Variants in FRMD3 observed in about 807,000 individuals in gnomAD.
FRMD3 encodes the protein FERM domain-containing protein 3.
A neutral mutation model predicts 70.2 loss-of-function variants in FRMD3; 33 were observed. That is an observed-to-expected ratio of 0.47 (90% CI 0.36 to 0.63). The LOEUF is 0.63. Among genes scored for constraint, FRMD3 ranks in the 20% least tolerant of loss-of-function variants. FRMD3 has a pLI of 0.00. For synonymous variants in FRMD3, 279 were observed against 255.9 expected (o/e 1.09, Z -0.86); for missense variants, 632 against 711.4 (o/e 0.89, Z 1.27).
intron 6 of FRMD3, among the ~76,000 whole-genome samples, chr9:83,324,714 T>A (rs973829638): frequency 6.6e-6 from 1 of 152,238 alleles, no homozygotes; most frequent in African/African-American, 2.4e-5. Flanking sequence ...ATATACATAT[T>A]TTTTCCCTTA....
chr9:83,489,554 G>A (rs1207168636), intron 1 of FRMD3, among the ~76,000 whole-genome samples: 1 of 152,070 alleles, frequency 6.6e-6, no homozygotes, highest in Non-Finnish European at 1.5e-5. Flanking sequence ...AAACCACAAT[G>A]AGGATACCAT....
chr9:83,266,809 C>T (rs968329635), intron 13 of FRMD3, among the ~76,000 whole-genome samples: 1 of 152,162 alleles, frequency 6.6e-6, no homozygotes, highest in African/African-American at 2.4e-5. Flanking sequence ...TTGGAACACA[C>T]CCTCCTGTTT....
rs34251863 is a variant in FRMD3 at position 83,507,691 on chromosome 9, C to CATATATAT, written c.147+30386_147+30393dup. Among the ~76,000 whole-genome samples, 246 of 49,108 alleles carry CATATATAT rather than the reference C, an allele frequency of 5.0e-3. 6 individuals carry two copies. The highest frequency in any genetic ancestry group is 6.5e-3 in the Non-Finnish European group (187 of 28,662). The allele number at this position is 49,108 out of a possible 152,430, so 32.2% of individuals were successfully genotyped here. A position where few individuals can be genotyped will look rare whatever the true frequency, so the allele number is the denominator to read the frequency against. On this transcript the variant is annotated intron_variant, in intron 1 of 13. Coordinates refer to ENST00000304195, the MANE Select transcript of FRMD3 (RefSeq NM_174938.6). Reference sequence around the variant, plus strand: ...TCTCAAACAAAAAAAAATATACATACATATATATATATATATATATATATA... The same window carrying CATATATAT: ...TCTCAAACAAAAAAAAATATACATACATATATATATATATATATATATATATATATATA...
At chr9:83,533,322 T>C (rs1317097974) in intron 1 of FRMD3, among the ~76,000 whole-genome samples, 1 of 152,204 alleles carries the variant, frequency 6.6e-6, no homozygotes, top group Non-Finnish European at 1.5e-5. Flanking sequence ...TAATGGATAG[T>C]TATAAAATTC....
the FRMD3 span, among the ~76,000 whole-genome samples, chr9:83,551,665 C>T: frequency 6.7e-6 from 1 of 149,642 alleles, no homozygotes; most frequent in Non-Finnish European, 1.5e-5. Flanking sequence ...TGTTATTGGT[C>T]TATTCAGGGA....
chr9:83,311,238 CT>C (rs1835339613), intron 8 of FRMD3, among the ~76,000 whole-genome samples: 1 of 150,576 alleles, frequency 6.6e-6, no homozygotes. Flanking sequence ...ACATGCCCAT[CT>C]CAGGAGCAGG....
At chr9:83,511,555 G>A (rs1443152362) in intron 1 of FRMD3, among the ~76,000 whole-genome samples, 1 of 152,190 alleles carries the variant, frequency 6.6e-6, no homozygotes, top group Non-Finnish European at 1.5e-5. Flanking sequence ...GTGCCATTTG[G>A]AGAGCCAGGA....
At chr9:83,569,836 G>A in the FRMD3 span, among the ~76,000 whole-genome samples, 1 of 152,166 alleles carries the variant, frequency 6.6e-6, no homozygotes, top group African/African-American at 2.4e-5. Context: ...GTTTGGCTGT[G>A]TCCCCACCCA....
chr9:83,333,256 C>T (rs955912221), intron 6 of FRMD3, among the ~76,000 whole-genome samples: 1 of 152,224 alleles, frequency 6.6e-6, no homozygotes, highest in Non-Finnish European at 1.5e-5. Flanking sequence ...CTGACAGGTT[C>T]ATCCTTCAGG....
At chr9:83,289,877 T>C (rs1371213127) in intron 13 of FRMD3, among the ~76,000 whole-genome samples, 1 of 152,210 alleles carries the variant, frequency 6.6e-6, no homozygotes, top group Non-Finnish European at 1.5e-5. Flanking sequence ...AGCATTGTGG[T>C]GAGATTCTTC....
intron 6 of FRMD3, among the ~76,000 whole-genome samples, chr9:83,323,967 A>G (rs1201728347): frequency 1.3e-5 from 2 of 152,338 alleles, no homozygotes; most frequent in Admixed American, 6.5e-5. Flanking sequence ...AGTCCTGTAC[A>G]TGTACCTTAG....
intron 1 of FRMD3, among the ~76,000 whole-genome samples, chr9:83,397,886 C>A (rs1379355651): frequency 6.6e-6 from 1 of 152,166 alleles, no homozygotes; most frequent in East Asian, 1.9e-4. Context: ...TTAACAGCAA[C>A]TAAATGCTCA....
intron 3 of FRMD3, among the ~76,000 whole-genome samples, chr9:83,368,562 A>G (rs1166666417): frequency 6.6e-6 from 1 of 152,220 alleles, no homozygotes; most frequent in African/African-American, 2.4e-5. Context: ...ATCTTAATGT[A>G]AAAATGTATA....
At chr9:83,539,464 A>G (rs577089893), upstream of FRMD3, among the ~76,000 whole-genome samples, 4 of 152,332 alleles carry the variant, frequency 2.6e-5, no homozygotes, top group African/African-American at 9.6e-5. Flanking sequence ...CCGGAGCAGA[A>G]CAGGTCATTA....
At chr9:83,284,061 A>ATTTTTTTTTTTTTTTTTTTTT (rs71365307) in intron 13 of FRMD3, among the ~76,000 whole-genome samples, 6 of 101,708 alleles carry the variant, frequency 5.9e-5, no homozygotes, top group Non-Finnish European at 6.1e-5. Context: ...CTAGGATGTT[A>ATTTTTTTTTTTTTTTTTTTTT]TTTTTTTTTT....
chr9:83,574,235 G>A, the FRMD3 span, among the ~76,000 whole-genome samples: 1 of 152,092 alleles, frequency 6.6e-6, no homozygotes, highest in Admixed American at 6.5e-5. Context: ...TCTGCTCCAG[G>A]TATGACCCTT....
chr9:83,410,658 C>A (rs376598169), intron 1 of FRMD3, among the ~76,000 whole-genome samples: 15 of 152,190 alleles, frequency 9.9e-5, no homozygotes, highest in African/African-American at 3.4e-4. Flanking sequence ...CTTTTGGATA[C>A]ATACCCAGTA....
At chr9:83,582,622 G>A in the FRMD3 span, among the ~76,000 whole-genome samples, 2 of 152,314 alleles carry the variant, frequency 1.3e-5, no homozygotes, top group African/African-American at 4.8e-5. Context: ...AGCAGAATCT[G>A]TTAACCTAAA....
In FRMD3 at chr9:83,247,781, A is replaced by T; in HGVS notation, c.*137T>A. On this transcript the variant is annotated 3_prime_UTR_variant, in exon 14 of 14. Transcript: ENST00000304195. ...TAAGTGCAGTGAATTATGGAAAGCT[A>T]ACTTAAAGGTTTGAATAATCAATTA... 1 of 1,486,822 alleles carries T rather than the reference A, an allele frequency of 6.7e-7. No individual in the cohort carries two copies. Among genetic ancestry groups the T allele is most frequent in the Non-Finnish European group, 8.9e-7 (1 of 1,123,922 alleles). 92.1% of individuals were successfully genotyped at this position (1,486,822 alleles called of 1,614,324 possible). A position where few individuals can be genotyped will look rare whatever the true frequency, so the allele number is the denominator to read the frequency against.
Sources: allele counts gnomAD v4.1 joint callset (sites outside exome capture counted in the v4.1 genomes callset), GRCh38; gene constraint gnomAD v4.1.1; transcripts MANE v1.5; gene names NCBI Gene and HGNC (gene_info 2026-07-23, HGNC 2026-07-21).